The following CCNI variants were observed in gnomAD, a reference collection of about 807,000 sequenced individuals.
CCNI encodes the protein cyclin I, also known as cyclin-I.
CCNI carries 14 observed loss-of-function variants against 34.1 expected under a neutral mutation model. The ratio of observed to expected loss-of-function variants is 0.41; its 90% CI spans 0.27 to 0.64. CCNI has a LOEUF of 0.64. Among genes scored for constraint, CCNI ranks in the 30% least tolerant of loss-of-function variants. The pLI is 0.31. For missense variants in CCNI, 385 were observed against 440.5 expected, an observed-to-expected ratio of 0.87 and a Z score of 1.13; for synonymous variants, 154 against 158.4, an observed-to-expected ratio of 0.97 and a Z score of 0.21.
chr4:77,063,344 TAAAAAA>T (rs745761323), intron 2 of CCNI, among the ~76,000 whole-genome samples: 10,452 of 77,180 alleles, frequency 0.14, 555 homozygotes, highest in Middle Eastern at 0.22. Flanking sequence ...GAAAGGGAGG[TAAAAAA>T]AAAAAAAAAA....
chr4:77,056,534 G>T, intron 3 of CCNI: 3 of 453,390 alleles, frequency 6.6e-6, no homozygotes, highest in Non-Finnish European at 8.1e-6. Flanking sequence ...CTTTAGAGCA[G>T]TAATGAAAGG....
Position 77,048,084 on chromosome 4 carries a change from TTA to T in CCNI, c.*133_*134del. On this transcript the variant is annotated 3_prime_UTR_variant, in exon 7 of 7. Coordinates refer to ENST00000237654, the MANE Select transcript of CCNI (RefSeq NM_006835.3). ...ATTAGCCACACAAATAATGAGAGTT[TTA>T]TTTTTTTTTTCTGGCTCACTCCAAA... The T allele has an allele frequency of 1.7e-6, 1 of 583,544 alleles. No homozygotes were observed. The highest frequency in any genetic ancestry group is 2.9e-6 in the Non-Finnish European group (1 of 339,146). The allele number at this position is 583,544 out of a possible 1,614,324, so 36.1% of individuals were successfully genotyped here.
chr4:77,072,294 A>T (rs1729526037), intron 1 of CCNI, among the ~76,000 whole-genome samples: 1 of 151,830 alleles, frequency 6.6e-6, no homozygotes, highest in Non-Finnish European at 1.5e-5. Context: ...GAAAAAGTAA[A>T]ACGAGGTAAA....
At chr4:77,058,299 G>T (rs1161955413) in intron 3 of CCNI, among the ~76,000 whole-genome samples, 2 of 152,198 alleles carry the variant, frequency 1.3e-5, no homozygotes, top group Non-Finnish European at 2.9e-5. Context: ...ACACACTCCA[G>T]CCAGGGCAAC....
At chr4:77,054,607 T>C (rs1252770132) in intron 6 of CCNI, among the ~76,000 whole-genome samples, 64 of 152,356 alleles carry the variant, frequency 4.2e-4, no homozygotes, top group Admixed American at 4.1e-3. Context: ...TATCAACCTA[T>C]ACATTTTATA....
chr4:77,048,747 T>A, intron 6 of CCNI, 85 bp from the exon 7 acceptor site: 1 of 1,017,504 alleles, frequency 9.8e-7, no homozygotes. Context: ...CCATTTTTCC[T>A]CCCTGTGCTT....
At chr4:77,058,284 G>A (rs891906121) in intron 3 of CCNI, among the ~76,000 whole-genome samples, 1 of 151,938 alleles carries the variant, frequency 6.6e-6, no homozygotes, top group African/African-American at 2.4e-5. Context: ...GAACCCAGGA[G>A]GCAGACACAC....
At chr4:77,073,741 T>C (rs1729668887) in intron 1 of CCNI, among the ~76,000 whole-genome samples, 1 of 152,362 alleles carries the variant, frequency 6.6e-6, no homozygotes, top group East Asian at 1.9e-4. Context: ...TGCCCTGCCT[T>C]CCAACATCTG....
Position 77,055,087 on chromosome 4 carries a change from C to T in CCNI, c.690+63G>A, listed in dbSNP as rs1728119570. Reference sequence around the variant, plus strand: ...TGAGAAATGTCTTTTAGTTTGGTAACTCTATGTATTCCAATAATAGAAAAA... The same window carrying T: ...TGAGAAATGTCTTTTAGTTTGGTAATTCTATGTATTCCAATAATAGAAAAA... On this transcript the variant is annotated intron_variant, in intron 6 of 6. Transcript: ENST00000237654. 18 of 1,045,054 alleles carry T rather than the reference C, an allele frequency of 1.7e-5. No individual in the cohort carries two copies. In the South Asian group the frequency reaches 2.5e-4, roughly 15 times the overall value. 64.7% of individuals were successfully genotyped at this position (1,045,054 alleles called of 1,614,324 possible).
chr4:77,068,161 A>G (rs745886155), intron 1 of CCNI, among the ~76,000 whole-genome samples: 2 of 152,142 alleles, frequency 1.3e-5, no homozygotes, highest in Admixed American at 6.5e-5. Flanking sequence ...CTGGCGACAG[A>G]GCAAGACTCC....
intron 2 of CCNI, among the ~76,000 whole-genome samples, chr4:77,062,060 GC>G (rs1319687563): frequency 6.6e-6 from 1 of 152,008 alleles, no homozygotes; most frequent in East Asian, 1.9e-4. Context: ...ATCCTTCCTT[GC>G]CCCTGGTATT....
At chr4:77,057,082 A>G (rs930776487) in intron 3 of CCNI, among the ~76,000 whole-genome samples, 2 of 152,190 alleles carry the variant, frequency 1.3e-5, no homozygotes, top group African/African-American at 4.8e-5. Context: ...GTATGTAAAC[A>G]TTTTTTAAAG....
intron 6 of CCNI, among the ~76,000 whole-genome samples, 173 bp from the exon 7 acceptor site, chr4:77,048,835 T>A (rs887924329): frequency 8.5e-5 from 13 of 152,130 alleles, no homozygotes; most frequent in African/African-American, 3.1e-4. Context: ...TCCATCAACA[T>A]CATCTTAGAA....
chr4:77,067,761 G>A (rs1464660973), intron 1 of CCNI, among the ~76,000 whole-genome samples: 1 of 137,748 alleles, frequency 7.3e-6, no homozygotes, highest in African/African-American at 2.8e-5. Context: ...GGGGTTACAG[G>A]TGTGAGCCAC....
chr4:77,075,451 G>T, intron 1 of CCNI, 21 bp downstream of exon 1: 2 of 644,924 alleles, frequency 3.1e-6, no homozygotes, highest in Non-Finnish European at 1.9e-6. Context: ...TCGAGCCCCC[G>T]CCCCCGCCCC....
chr4:77,062,892 A>C (rs1270153238), intron 2 of CCNI, among the ~76,000 whole-genome samples: 1 of 152,248 alleles, frequency 6.6e-6, no homozygotes, highest in African/African-American at 2.4e-5. Context: ...GTTCTCTGCA[A>C]GTGCCAAGAA....
At chr4:77,056,345 A>C in intron 3 of CCNI, 22 bp from the exon 4 acceptor site, 1 of 1,559,294 alleles carries the variant, frequency 6.4e-7, no homozygotes, top group African/African-American at 1.4e-5. Flanking sequence ...AAGAGGGAAA[A>C]AGCAACTTTA....
chr4:77,063,636 G>A (rs1241677712), intron 2 of CCNI, among the ~76,000 whole-genome samples: 1 of 151,092 alleles, frequency 6.6e-6, no homozygotes, highest in Non-Finnish European at 1.5e-5. Context: ...CTTGCAGTGA[G>A]CCAAGATCGC....
At chr4:77,049,255 GA>G (rs1727677648) in intron 6 of CCNI, among the ~76,000 whole-genome samples, 1 of 151,992 alleles carries the variant, frequency 6.6e-6, no homozygotes, top group Admixed American at 6.6e-5. Context: ...TTTAATTTGG[GA>G]GTTTTGCTGA....
Sources: gnomAD v4.1 joint callset for allele counts (sites outside exome capture counted in the v4.1 genomes callset) on GRCh38, gnomAD v4.1.1 for gene constraint, MANE v1.5 for transcripts, NCBI Gene and HGNC (gene_info 2026-07-23, HGNC 2026-07-21) for gene names.